The following AFF1 variants were observed in gnomAD, a reference collection of about 807,000 sequenced individuals.
AFF1 encodes the protein ALF transcription elongation factor 1.
A neutral mutation model predicts 121.7 loss-of-function variants in AFF1; 48 were observed. The ratio of observed to expected loss-of-function variants is 0.39; its 90% CI spans 0.31 to 0.50. The LOEUF (loss-of-function observed/expected upper bound fraction) is 0.50, where lower values mean the gene tolerates loss of function less well. Among genes scored for constraint, AFF1 ranks in the 20% least tolerant of loss-of-function variants. The pLI is 0.76. For synonymous variants in AFF1, 613 were observed against 563.0 expected, an observed-to-expected ratio of 1.09 and a Z score of -1.26; for missense variants, 1,523 against 1,511.7, an observed-to-expected ratio of 1.01 and a Z score of -0.12.
intron 2 of AFF1, chr4:87,036,739 C>T: frequency 2.0e-6 from 1 of 488,592 alleles, no homozygotes; most frequent in South Asian, 1.5e-5. Context: ...ATTAACTACC[C>T]CAGTTAAGAA....
intron 2 of AFF1, among the ~76,000 whole-genome samples, chr4:87,043,431 A>G (rs1730358439): frequency 6.6e-6 from 1 of 152,252 alleles, no homozygotes. Context: ...CAAAGTGGCT[A>G]TAAAACAAGT....
chr4:87,071,593 C>G (rs752762032), intron 4 of AFF1, among the ~76,000 whole-genome samples: 6 of 152,074 alleles, frequency 3.9e-5, no homozygotes, highest in Non-Finnish European at 7.4e-5. Context: ...TGCGGTGGCT[C>G]CAGGATTGTT....
rs61071328 is a variant in AFF1 at position 87,013,032 on chromosome 4, C to CTTTTT, written c.39-33112_39-33108dup. 6.5e-4 allele frequency among the ~76,000 whole-genome samples: 61 copies of CTTTTT among 93,480 alleles called. 5 individuals carry two copies. The highest frequency in any genetic ancestry group is 2.3e-3 in the African/African-American group (53 of 23,250). The allele number at this position is 93,480 out of a possible 152,430, so 61.3% of individuals were successfully genotyped here. On this transcript the variant is annotated intron_variant, in intron 2 of 20. Transcript: ENST00000395146. The stretch of plus-strand genomic sequence containing the variant: ...AACCAGATTGAACTGCTATCAAGTT[C>CTTTTT]TTTTTTTTTTTTTTTTTTTTTTTTT...
chr4:87,016,565 AAG>A (rs965599746), intron 2 of AFF1, among the ~76,000 whole-genome samples: 1 of 152,004 alleles, frequency 6.6e-6, no homozygotes, highest in African/African-American at 2.4e-5. Flanking sequence ...AAAAAAAAAA[AAG>A]TGATTTTATT....
At chr4:87,006,650 C>T (rs574035185) in intron 2 of AFF1, among the ~76,000 whole-genome samples, 60 of 152,390 alleles carry the variant, frequency 3.9e-4, no homozygotes, top group African/African-American at 1.4e-3. Flanking sequence ...TTCCTGCTCA[C>T]TGCCGCCTCT....
intron 6 of AFF1, 74 bp downstream of exon 6, chr4:87,090,144 T>C: frequency 8.4e-7 from 1 of 1,197,180 alleles, no homozygotes; most frequent in South Asian, 1.3e-5. Context: ...TGAGGCAGAT[T>C]GATAAAGTAT....
chr4:87,016,010 G>A (rs137888050), intron 2 of AFF1, among the ~76,000 whole-genome samples: 93 of 152,268 alleles, frequency 6.1e-4, no homozygotes, highest in African/African-American at 2.1e-3. Context: ...GTGAAACCTC[G>A]TCTCTACTAA....
intron 6 of AFF1, 69 bp downstream of exon 6, chr4:87,090,139 C>A: frequency 7.9e-7 from 1 of 1,260,442 alleles, no homozygotes; most frequent in Non-Finnish European, 1.2e-6. Context: ...TGCTGTGAGG[C>A]AGATTGATAA....
intron 4 of AFF1, among the ~76,000 whole-genome samples, chr4:87,073,403 T>C (rs916491917): frequency 6.6e-6 from 1 of 151,696 alleles, no homozygotes; most frequent in Non-Finnish European, 1.5e-5. Context: ...TTTGTTATAG[T>C]GTCAGTAATC....
At chr4:87,000,541 C>T (rs979794946) in intron 2 of AFF1, among the ~76,000 whole-genome samples, 1 of 151,292 alleles carries the variant, frequency 6.6e-6, no homozygotes, top group African/African-American at 2.4e-5. Flanking sequence ...GGGGTATAAT[C>T]CTTTGCAACT....
At chr4:87,125,276 A>C (rs1284186084) in intron 13 of AFF1, 133 bp downstream of exon 13, 1 of 547,726 alleles carries the variant, frequency 1.8e-6, no homozygotes, top group Admixed American at 3.9e-5. Context: ...ACAATGTAAT[A>C]AGTTTGTTTT....
chr4:87,119,743 G>T (rs944551362), intron 12 of AFF1, among the ~76,000 whole-genome samples: 1 of 152,176 alleles, frequency 6.6e-6, no homozygotes, highest in Non-Finnish European at 1.5e-5. Context: ...GAATAAGGAG[G>T]TGCATTCATT....
chr4:87,121,050 C>G (rs919507689), intron 12 of AFF1, among the ~76,000 whole-genome samples: 1 of 152,096 alleles, frequency 6.6e-6, no homozygotes, highest in Admixed American at 6.5e-5. Flanking sequence ...GCTGCCTGAC[C>G]CAACAGGTTA....
intron 5 of AFF1, among the ~76,000 whole-genome samples, chr4:87,087,166 T>A (rs2149708886): frequency 6.6e-6 from 1 of 152,388 alleles, no homozygotes; most frequent in Middle Eastern, 3.4e-3. Context: ...ATTTCCATGA[T>A]GCTAGTACAA....
At chr4:87,020,798 T>C in intron 2 of AFF1, 4 of 985,450 alleles carry the variant, frequency 4.1e-6, no homozygotes, top group Non-Finnish European at 4.8e-6. Context: ...ATGTTTTTGA[T>C]GCACAGGTAG....
chr4:87,015,482 T>G (rs1032575840), intron 2 of AFF1, among the ~76,000 whole-genome samples: 1 of 152,232 alleles, frequency 6.6e-6, no homozygotes, highest in Non-Finnish European at 1.5e-5. Context: ...ATCTTGTGAC[T>G]TGGTTTTAGT....
At chr4:86,950,123 G>C in intron 2 of AFF1, 1 of 1,606,192 alleles carries the variant, frequency 6.2e-7, no homozygotes, top group Non-Finnish European at 8.5e-7. Context: ...AGCAGGGCAG[G>C]GATGGGACTT....
At chr4:87,096,378 G>A (rs141781052) in intron 8 of AFF1, among the ~76,000 whole-genome samples, 29 of 138,698 alleles carry the variant, frequency 2.1e-4, no homozygotes, top group African/African-American at 7.8e-4. Flanking sequence ...CAGACTACAG[G>A]GACACACCCG....
chr4:87,135,196 G>A (rs1310946777), intron 20 of AFF1, among the ~76,000 whole-genome samples: 2 of 152,216 alleles, frequency 1.3e-5, no homozygotes, highest in Non-Finnish European at 2.9e-5. Context: ...GAAATGCAAG[G>A]TTCAGGAGAG....
Sources: allele counts gnomAD v4.1 joint callset (sites outside exome capture counted in the v4.1 genomes callset), GRCh38; gene constraint gnomAD v4.1.1; transcripts MANE v1.5; gene names NCBI Gene and HGNC (gene_info 2026-07-23, HGNC 2026-07-21).